NXPH3: variants seen among roughly 807,000 people sequenced by gnomAD.
NXPH3 encodes the protein neurexophilin-3.
NXPH3 carries 7 observed loss-of-function variants against 18.8 expected under a neutral mutation model. The observed-to-expected ratio is 0.37, with a 90% confidence interval of 0.21 to 0.70. NXPH3 has a LOEUF of 0.70. Among genes scored for constraint, NXPH3 ranks in the 30% least tolerant of loss-of-function variants. The pLI, the probability that NXPH3 is intolerant of heterozygous loss-of-function variation, is 0.53. For synonymous variants in NXPH3, 101 were observed against 137.3 expected (o/e 0.74, Z 1.85); for missense variants, 282 against 338.1 (o/e 0.83, Z 1.30).
chr17:49,582,950 C>G lies in NXPH3; in HGVS notation c.*3650C>G, dbSNP rs899786254. On this transcript the variant is annotated 3_prime_UTR_variant, in exon 2 of 2. Transcript: ENST00000328741. ...TTCCCCCCCTTCCCCCCTTCCCTTT[C>G]CTGGGATGAGCAAGCGGGAACTGAG... The G allele has an allele frequency of 6.6e-5, 10 of 152,292 alleles. No homozygotes were observed. Among genetic ancestry groups the G allele is most frequent in the African/African-American group, 2.4e-4 (10 of 41,430 alleles). 9.4% of individuals were successfully genotyped at this position (152,292 alleles called of 1,614,324 possible). A position where few individuals can be genotyped will look rare whatever the true frequency, so the allele number is the denominator to read the frequency against.
At position 49,578,783 on chromosome 17, in the gene NXPH3, A is replaced by C. The variant is rs527859416; in HGVS notation, c.242A>C (p.Gln81Pro). The C allele has an allele frequency of 2.5e-6, 4 of 1,613,784 alleles. No individual in the cohort carries two copies. In the African/African-American group the frequency reaches 4.0e-5, roughly 16 times the overall value. ...PPGEAWGILG[Q>P]PPNRPNHSPP... ...GGGGAGGCTTGGGGCATTCTTGGGC[A>C]GCCCCCCAACCGCCCGAACCACAGC... Residue 81 changes from glutamine to proline, a missense_variant, in exon 2 of 2, where the codon CAG (glutamine) becomes CCG (proline). Coordinates refer to ENST00000328741, the MANE Select transcript of NXPH3 (RefSeq NM_007225.4). This position sits in a 1 kb window ranked among gnomAD's most constrained non-coding sequence, Gnocchi z 4.5.
Position 49,576,005 on chromosome 17 carries a change from G to T in NXPH3, c.-215G>T, listed in dbSNP as rs1426386430. On this transcript the variant is annotated 5_prime_UTR_variant, in exon 1 of 2. Transcript: ENST00000328741. ...ACATCTGGGACCTCGAGCGGGGGCCGTGCCGCGCGCAGCTGGACCAGGGGA... is the reference window on the plus strand; with the variant it reads ...ACATCTGGGACCTCGAGCGGGGGCCTTGCCGCGCGCAGCTGGACCAGGGGA... 5.7e-6 allele frequency: 3 copies of T among 530,960 alleles called. No homozygotes were observed. Among genetic ancestry groups the T allele is most frequent in the African/African-American group, 2.1e-5 (1 of 48,646 alleles). 32.9% of individuals were successfully genotyped at this position (530,960 alleles called of 1,614,324 possible).
Position 49,580,820 on chromosome 17 carries a change from G to A in NXPH3, c.*1520G>A. On this transcript the variant is annotated 3_prime_UTR_variant, in exon 2 of 2. Coordinates refer to ENST00000328741, the MANE Select transcript of NXPH3 (RefSeq NM_007225.4). ...CCCAGACCAGGGGTTCTCAAACGCG[G>A]ATCACCCAGAGGGTTTGTTAACACA... 6.6e-6 allele frequency: 1 copy of A among 152,300 alleles called. No individual in the cohort carries two copies. Among genetic ancestry groups the A allele is most frequent in the African/African-American group, 2.4e-5 (1 of 41,464 alleles). 9.4% of individuals were successfully genotyped at this position (152,300 alleles called of 1,614,324 possible). A position where few individuals can be genotyped will look rare whatever the true frequency, so the allele number is the denominator to read the frequency against.
chr17:49,580,133 C>CA lies in NXPH3; in HGVS notation c.*834dup, dbSNP rs2071592778. The CA allele has an allele frequency of 1.3e-5, 2 of 152,542 alleles. No individual in the cohort carries two copies. Among genetic ancestry groups the CA allele is most frequent in the Non-Finnish European group, 2.9e-5 (2 of 68,132 alleles). The allele number at this position is 152,542 out of a possible 1,614,324, so 9.4% of individuals were successfully genotyped here. A position where few individuals can be genotyped will look rare whatever the true frequency, so the allele number is the denominator to read the frequency against. ...TCCCGGAGAGGGGTCCCTCAACAGT[C>CA]AGCCTCACCTGTCAGACCGGGGTTC... On this transcript the variant is annotated 3_prime_UTR_variant, in exon 2 of 2. Coordinates refer to ENST00000328741, the MANE Select transcript of NXPH3 (RefSeq NM_007225.4).
Position 49,579,282 on chromosome 17 carries a change from C to T in NXPH3, c.741C>T (p.Pro247=). The T allele has an allele frequency of 3.1e-6, 5 of 1,598,014 alleles. No individual in the cohort carries two copies. The highest frequency in any genetic ancestry group is 2.2e-5 in the East Asian group (1 of 44,830). ...CPDYNYHSDT[P]YYPSG ...ATTACAACTACCATAGTGATACCCC[C>T]TACTACCCATCTGGGTGACCCGGGG... The change falls in exon 2 of 2, where the codon CCC becomes CCT. Residue 247 remains proline, a synonymous_variant. Coordinates refer to ENST00000328741, the MANE Select transcript of NXPH3 (RefSeq NM_007225.4). This position sits in a 1 kb window ranked among gnomAD's most constrained non-coding sequence, Gnocchi z 6.0.
chr17:49,576,126 T>A lies in NXPH3; in HGVS notation c.-94T>A. Reference sequence around the variant, plus strand: ...CCGCGGGCCGCCGGGGACTGGAGCATGGGACGGCGCGCCTGAAGGAGCAGG... The same window carrying A: ...CCGCGGGCCGCCGGGGACTGGAGCAAGGGACGGCGCGCCTGAAGGAGCAGG... On this transcript the variant is annotated 5_prime_UTR_variant, in exon 1 of 2. It removes an upstream start codon present in the reference 5' UTR. Coordinates refer to ENST00000328741, the MANE Select transcript of NXPH3 (RefSeq NM_007225.4). The A allele has an allele frequency of 6.8e-7, 1 of 1,465,002 alleles. No homozygotes were observed. Among genetic ancestry groups the A allele is most frequent in the Non-Finnish European group, 9.3e-7 (1 of 1,073,618 alleles). 90.8% of individuals were successfully genotyped at this position (1,465,002 alleles called of 1,614,324 possible). A position where few individuals can be genotyped will look rare whatever the true frequency, so the allele number is the denominator to read the frequency against.
rs902807397 is a variant in NXPH3, at chr17:49,582,562, C to T, written c.*3262C>T. The T allele has an allele frequency of 2.0e-5, 3 of 152,342 alleles. No homozygotes were observed. The highest frequency in any genetic ancestry group is 2.9e-5 in the Non-Finnish European group (2 of 68,134). 9.4% of individuals were successfully genotyped at this position (152,342 alleles called of 1,614,324 possible). ...CTAGGGCCGGGGGCCATGCCTCCCTCATCAGACTGAGGACACCCTGATGTC... is the reference window on the plus strand; with the variant it reads ...CTAGGGCCGGGGGCCATGCCTCCCTTATCAGACTGAGGACACCCTGATGTC... On this transcript the variant is annotated 3_prime_UTR_variant, in exon 2 of 2. Transcript: ENST00000328741.
intron 1 of NXPH3, among the ~76,000 whole-genome samples, chr17:49,576,786 C>G (rs2071573523): frequency 6.9e-6 from 1 of 144,498 alleles, no homozygotes; most frequent in Non-Finnish European, 1.5e-5. Flanking sequence ...TTTTCCTCTG[C>G]TCTCCCGGCT....
At position 49,579,005 on chromosome 17, in the gene NXPH3, T is replaced by C. The variant is rs759583511; in HGVS notation, c.464T>C (p.Val155Ala). The change falls in exon 2 of 2, where the codon GTA becomes GCA. Residue 155 changes from valine (V) to alanine (A), a missense_variant. Physicochemically the swap from Val to Ala is moderately conservative, Grantham distance 64. Coordinates refer to ENST00000328741, the MANE Select transcript of NXPH3 (RefSeq NM_007225.4). The surrounding 1 kb of genome is among the most constrained non-coding windows in gnomAD (Gnocchi z 6.0). ...AGCCTCGTGCCCCCCAGTAAAGCTG[T>C]AGAGTTCCACCAGGAACAGCAGATC... ...SISLVPPSKAVEFHQEQQIFI... is the reference protein window; with the variant it reads ...SISLVPPSKAAEFHQEQQIFI... 6.2e-7 allele frequency: 1 copy of C among 1,614,042 alleles called. No individual in the cohort carries two copies. The highest frequency in any genetic ancestry group is 1.3e-5 in the African/African-American group (1 of 74,974).
At position 49,581,505 on chromosome 17, in the gene NXPH3, G is replaced by T. The variant is rs936977613; in HGVS notation, c.*2205G>T. 1.9e-4 allele frequency: 124 copies of T among 647,236 alleles called. No homozygotes were observed. The highest frequency in any genetic ancestry group is 1.5e-3 in the South Asian group (86 of 57,420). 40.1% of individuals were successfully genotyped at this position (647,236 alleles called of 1,614,324 possible). ...GTTGGGTGGGGCTGAGAAGCCATCT[G>T]GTTACAGCCCACCTTGTAGGAAATG... On this transcript the variant is annotated 3_prime_UTR_variant, in exon 2 of 2. Transcript: ENST00000328741.
Position 49,581,171 on chromosome 17 carries a change from C to A in NXPH3, c.*1871C>A. On this transcript the variant is annotated 3_prime_UTR_variant, in exon 2 of 2. Coordinates refer to ENST00000328741, the MANE Select transcript of NXPH3 (RefSeq NM_007225.4). ...GCTGGAGTGGGGTGTGGACACAGGG[C>A]CTGCGTCAGTCACTCCCCTCCTGCA... is the stretch of plus-strand genomic sequence containing the variant. The A allele has an allele frequency of 4.8e-6, 1 of 208,664 alleles. No homozygotes were observed. Among genetic ancestry groups the A allele is most frequent in the Non-Finnish European group, 9.6e-6 (1 of 103,974 alleles). 12.9% of individuals were successfully genotyped at this position (208,664 alleles called of 1,614,324 possible).
At chr17:49,577,365 TCAC>T (rs975292707) in intron 1 of NXPH3, among the ~76,000 whole-genome samples, 2 of 152,124 alleles carry the variant, frequency 1.3e-5, no homozygotes, top group African/African-American at 4.8e-5. Flanking sequence ...CACCCCAGTG[TCAC>T]CACCAAATCC....
At position 49,581,791 on chromosome 17, in the gene NXPH3, A is replaced by C. The variant is rs916917012; in HGVS notation, c.*2491A>C. ...CCCCACCTCCCCTGGCTGAACTCTC[A>C]GCAGGCACTGGGGGCACTTTGACCC... On this transcript the variant is annotated 3_prime_UTR_variant, in exon 2 of 2. Transcript: ENST00000328741. The C allele has an allele frequency of 1.4e-6, 1 of 701,926 alleles. No homozygotes were observed. Among genetic ancestry groups the C allele is most frequent in the Non-Finnish European group, 2.6e-6 (1 of 384,784 alleles). 43.5% of individuals were successfully genotyped at this position (701,926 alleles called of 1,614,324 possible).
chr17:49,577,838 C>A (rs2071578661), intron 1 of NXPH3: 1 of 152,268 alleles, frequency 6.6e-6, no homozygotes, highest in Non-Finnish European at 1.5e-5. Flanking sequence ...GCTTTCCATT[C>A]CCATGGCCAT....
chr17:49,576,137 G>C lies in NXPH3; in HGVS notation c.-83G>C. The stretch of plus-strand genomic sequence containing the variant: ...CGGGGACTGGAGCATGGGACGGCGC[G>C]CCTGAAGGAGCAGGAAGGGGAAGGA... On this transcript the variant is annotated 5_prime_UTR_variant, in exon 1 of 2. Coordinates refer to ENST00000328741, the MANE Select transcript of NXPH3 (RefSeq NM_007225.4). 1 of 1,514,140 alleles carries C rather than the reference G, an allele frequency of 6.6e-7. No individual in the cohort carries two copies. The highest frequency in any genetic ancestry group is 9.0e-7 in the Non-Finnish European group (1 of 1,115,758). The allele number at this position is 1,514,140 out of a possible 1,614,324, so 93.8% of individuals were successfully genotyped here. A position where few individuals can be genotyped will look rare whatever the true frequency, so the allele number is the denominator to read the frequency against.
At chr17:49,576,900 C>T (rs1482383293) in intron 1 of NXPH3, among the ~76,000 whole-genome samples, 1 of 152,058 alleles carries the variant, frequency 6.6e-6, no homozygotes, top group Non-Finnish European at 1.5e-5. Flanking sequence ...GCGCCGGCTC[C>T]GCGGCTTCTC....
In NXPH3 at chr17:49,578,795, G is replaced by A. The variant is rs751608223; in HGVS notation, c.254G>A (p.Arg85His). Reference protein sequence around the residue: ...AWGILGQPPNRPNHSPPPSAK... With the variant: ...AWGILGQPPNHPNHSPPPSAK... ...GGCATTCTTGGGCAGCCCCCCAACCGCCCGAACCACAGCCCCCCACCCTCA... is the reference window on the plus strand; with the variant it reads ...GGCATTCTTGGGCAGCCCCCCAACCACCCGAACCACAGCCCCCCACCCTCA... Residue 85 changes from arginine (R) to histidine (H), a missense_variant, in exon 2 of 2, where the codon CGC becomes CAC. By Grantham distance (29) the Arg-to-His change is conservative. Coordinates refer to ENST00000328741, the MANE Select transcript of NXPH3 (RefSeq NM_007225.4). The surrounding 1 kb of genome is among the most constrained non-coding windows in gnomAD (Gnocchi z 4.5). 214 of 1,613,686 alleles carry A rather than the reference G, an allele frequency of 1.3e-4. No individual in the cohort carries two copies. The Middle Eastern group carries it at 2.1e-3, about 16-fold the overall frequency.
chr17:49,581,357 T>C lies in NXPH3; in HGVS notation c.*2057T>C. 1.8e-6 allele frequency: 1 copy of C among 563,660 alleles called. No homozygotes were observed. The allele number at this position is 563,660 out of a possible 1,614,324, so 34.9% of individuals were successfully genotyped here. ...CTTGGGAGGGCAGCACTCAGGGCCC[T>C]TTGGGCCCTCTTGAGGAGAGGAGAG... On this transcript the variant is annotated 3_prime_UTR_variant, in exon 2 of 2. Transcript: ENST00000328741.
At chr17:49,577,541 G>T (rs2071577457) in intron 1 of NXPH3, among the ~76,000 whole-genome samples, 1 of 152,234 alleles carries the variant, frequency 6.6e-6, no homozygotes, top group Middle Eastern at 3.2e-3. Context: ...AATCTCCCAG[G>T]TGTGGGTTGT....
Sources: gnomAD v4.1 joint callset for allele counts (sites outside exome capture counted in the v4.1 genomes callset) on GRCh38, gnomAD v4.1.1 for gene constraint, Gnocchi (gnomAD v3.1) non-coding constraint, MANE v1.5 for transcripts, NCBI Gene and HGNC (gene_info 2026-07-23, HGNC 2026-07-21) for gene names.